SNX31: variants seen among roughly 807,000 people sequenced by gnomAD.
SNX31 encodes the protein sorting nexin 31.
Under a neutral mutation model 65.4 loss-of-function variants are expected in SNX31, and 58 were observed. The observed-to-expected ratio is 0.89, with a 90% CI of 0.72 to 1.10. The LOEUF (loss-of-function observed/expected upper bound fraction) is 1.10. Ranked by LOEUF, SNX31 falls within the 50% of genes least tolerant of loss-of-function variation. SNX31 has a pLI of 0.00. For synonymous variants in SNX31, 181 were observed against 190.1 expected (o/e 0.95, Z 0.39); for missense variants, 523 against 529.7 (o/e 0.99, Z 0.12).
At chr8:100,661,357 C>A (rs1809784720) in intron 1 of SNX31, among the ~76,000 whole-genome samples, 5 of 151,732 alleles carry the variant, frequency 3.3e-5, no homozygotes. Context: ...ACACTAAGGC[C>A]CAGAGAGGTT....
At chr8:100,649,944 T>C (rs11785728), upstream of SNX31, among the ~76,000 whole-genome samples, 60,904 of 152,136 alleles carry the variant, frequency 0.4, 12,956 homozygotes, top group African/African-American at 0.52. Context: ...CAGAGTTATG[T>C]TTGGTCAGTT....
At chr8:100,649,230 C>T in intron 2 of SNX31, 44 bp downstream of exon 2, 1 of 1,592,848 alleles carries the variant, frequency 6.3e-7, no homozygotes, top group Non-Finnish European at 8.6e-7. Flanking sequence ...GCTTTCTCCA[C>T]CTGTCTCAGT....
chr8:100,592,124 G>T (rs1268218575), intron 10 of SNX31, among the ~76,000 whole-genome samples: 3 of 152,138 alleles, frequency 2.0e-5, no homozygotes, highest in African/African-American at 7.2e-5. Context: ...AAATGACAGA[G>T]ATGATGGAAT....
Position 100,628,320 on chromosome 8 carries a change from G to A in SNX31, c.321+2007C>T, listed in dbSNP as rs533603524. On this transcript the variant is annotated intron_variant, in intron 4 of 13. Transcript: ENST00000311812. ...GTTTATTGCGGCACTATTCATAATA[G>A]CAAAGACTTGGAACCAACCCAAATG... Among the ~76,000 whole-genome samples, 135 of 152,256 alleles carry A rather than the reference G, an allele frequency of 8.9e-4. No individual in the cohort carries two copies. In the Middle Eastern group the frequency reaches 0.017, roughly 19 times the overall value.
rs756419093 is a variant in SNX31 at position 100,630,363 on chromosome 8, A to C, written c.285T>G (p.Ser95Arg). Residue 95 changes from serine to arginine, a missense_variant, in exon 4 of 14, where the codon AGT becomes AGG. Ser to Arg is a moderately radical substitution (Grantham distance 110). Coordinates refer to ENST00000311812, the MANE Select transcript of SNX31 (RefSeq NM_152628.4). The surrounding 1 kb of genome is among the most constrained non-coding windows in gnomAD (Gnocchi z 5.3). ...GTTTTAAAAACTCAACGAAGACATCACTTCTCAACACGTTTGGGTCCATGG... is the reference window on the plus strand; with the variant it reads ...GTTTTAAAAACTCAACGAAGACATCCCTTCTCAACACGTTTGGGTCCATGG... ...NVTMDPNVLR[S>R]DVFVEFLKLA... 3.7e-6 allele frequency: 6 copies of C among 1,613,446 alleles called. No homozygotes were observed. Among genetic ancestry groups the C allele is most frequent in the East Asian group, 4.5e-5 (2 of 44,886 alleles).
Position 100,614,582 on chromosome 8 carries a change from G to A in SNX31, c.433-1497C>T, listed in dbSNP as rs898329682. 3.3e-5 allele frequency among the ~76,000 whole-genome samples: 5 copies of A among 152,042 alleles called. No individual in the cohort carries two copies. Among genetic ancestry groups the A allele is most frequent in the African/African-American group, 9.7e-5 (4 of 41,414 alleles). On this transcript the variant is annotated intron_variant, in intron 5 of 13. Coordinates refer to ENST00000311812, the MANE Select transcript of SNX31 (RefSeq NM_152628.4). The surrounding 1 kb of genome is among the most constrained non-coding windows in gnomAD (Gnocchi z 5.1). ...TTTTAGCTTGCTGCTGGCCCTTAAA[G>A]AGGCCATTGAGGCCCGGCACGGTGG...
At chr8:100,584,056 G>A in intron 12 of SNX31, 55 bp downstream of exon 12, 1 of 1,534,800 alleles carries the variant, frequency 6.5e-7, no homozygotes, top group Admixed American at 1.8e-5. Context: ...GTCTCCAACT[G>A]TTGGCTGATA....
At position 100,593,989 on chromosome 8, in the gene SNX31, C is replaced by A. The variant is rs184523820; in HGVS notation, c.978+2650G>T. ...TGAAACATTTTTGATCTGCAAAAGA[C>A]CTTGTTTAAGAGGATGAAAAACTAT... On this transcript the variant is annotated intron_variant, in intron 10 of 13. Coordinates refer to ENST00000311812, the MANE Select transcript of SNX31 (RefSeq NM_152628.4). Among the ~76,000 whole-genome samples the A allele has an allele frequency of 1.1e-3, 171 of 152,146 alleles. 2 individuals are homozygous for A. In the Middle Eastern group the frequency reaches 0.034, roughly 30 times the overall value.
At chr8:100,651,254 A>C (rs951851701), upstream of SNX31, among the ~76,000 whole-genome samples, 7 of 152,234 alleles carry the variant, frequency 4.6e-5, no homozygotes, top group Non-Finnish European at 1.0e-4. Flanking sequence ...CCCTGCCCAT[A>C]GGCCATCTCT....
intron 2 of SNX31, 29 bp from the exon 3 acceptor site, chr8:100,636,040 C>T (rs762306761): frequency 1.3e-5 from 21 of 1,558,970 alleles, no homozygotes; most frequent in Non-Finnish European, 1.9e-5. Flanking sequence ...ACAGTTAAGG[C>T]AGGTGAGCCG....
In SNX31 at chr8:100,660,718, G is replaced by T. The variant is rs1327859821; in HGVS notation, c.-58+2424C>A. Among the ~76,000 whole-genome samples the T allele has an allele frequency of 1.3e-5, 2 of 152,182 alleles. No homozygotes were observed. The highest frequency in any genetic ancestry group is 4.8e-5 in the African/African-American group (2 of 41,430). The stretch of plus-strand genomic sequence containing the variant: ...GGGCCTGTCAAACTCCAGTGTACTT[G>T]CTCTGAATCCCTCCTCTCCACAGAC... On this transcript the variant is annotated intron_variant, in intron 1 of 5. Coordinates refer to the SNX31 transcript ENST00000520352. This position sits in a 1 kb window ranked among gnomAD's most constrained non-coding sequence, Gnocchi z 4.1.
intron 3 of SNX31, among the ~76,000 whole-genome samples, chr8:100,633,181 A>C (rs972860605): frequency 6.6e-5 from 10 of 151,804 alleles, no homozygotes; most frequent in Non-Finnish European, 1.2e-4. Context: ...CTCCTGCCTT[A>C]ACCTCCCAAA....
intron 11 of SNX31, among the ~76,000 whole-genome samples, chr8:100,587,929 T>A (rs1814200241): frequency 6.6e-6 from 1 of 152,108 alleles, no homozygotes; most frequent in African/African-American, 2.4e-5. Context: ...TAGAGTGTAG[T>A]TACACAAACC....
At chr8:100,637,143 T>C (rs1039096789) in intron 2 of SNX31, among the ~76,000 whole-genome samples, 3 of 152,214 alleles carry the variant, frequency 2.0e-5, no homozygotes, top group Non-Finnish European at 4.4e-5. Context: ...ATATGACCCA[T>C]GACCATGGCA....
rs1296683887 is a variant in SNX31, at chr8:100,608,495, T to C, written c.680A>G (p.Gln227Arg). 1 of 1,613,912 alleles carries C rather than the reference T, an allele frequency of 6.2e-7. No homozygotes were observed. The highest frequency in any genetic ancestry group is 8.5e-7 in the Non-Finnish European group (1 of 1,179,928). Residue 227 changes from glutamine to arginine, a missense_variant and splice_region_variant, in exon 8 of 14, where the codon CAG (glutamine) becomes CGG (arginine). Coordinates refer to ENST00000311812, the MANE Select transcript of SNX31 (RefSeq NM_152628.4). ...CRVAVDLLYMQAIQDIEKGWA... is the reference protein window; with the variant it reads ...CRVAVDLLYMRAIQDIEKGWA... The stretch of plus-strand genomic sequence containing the variant: ...GTCTGAGCTCTTGGTGACCCTCACC[T>C]GCATGTAGAGCAAATCTACCGCCAC...
At position 100,588,746 on chromosome 8, in the gene SNX31, G is replaced by A; in HGVS notation, c.1092+120C>T. Reference sequence around the variant, plus strand: ...AAAGGTATTACGGTCCCGAACGAGAGTGCATAGAACACTTTAGGGTCCTGC... The same window carrying A: ...AAAGGTATTACGGTCCCGAACGAGAATGCATAGAACACTTTAGGGTCCTGC... On this transcript the variant is annotated intron_variant, in intron 11 of 13. Coordinates refer to ENST00000311812, the MANE Select transcript of SNX31 (RefSeq NM_152628.4). The surrounding 1 kb of genome is among the most constrained non-coding windows in gnomAD (Gnocchi z 4.8). 1 of 597,788 alleles carries A rather than the reference G, an allele frequency of 1.7e-6. No individual in the cohort carries two copies. 37.0% of individuals were successfully genotyped at this position (597,788 alleles called of 1,614,324 possible).
In SNX31 at chr8:100,577,195, G is replaced by T. The variant is rs577408735; in HGVS notation, c.1171-120C>A. 43 of 793,288 alleles carry T rather than the reference G, an allele frequency of 5.4e-5. No individual in the cohort carries two copies. The East Asian group carries it at 1.1e-3, about 20-fold the overall frequency. The allele number at this position is 793,288 out of a possible 1,614,324, so 49.1% of individuals were successfully genotyped here. On this transcript the variant is annotated intron_variant, in intron 12 of 13. Transcript: ENST00000311812. The stretch of plus-strand genomic sequence containing the variant: ...CCTCTTAATCGTCCCAAAGGCTGCC[G>T]GTCAGCAGGTACACCTGCTTGTCAT...
At chr8:100,640,651 T>C (rs1216931946) in intron 2 of SNX31, among the ~76,000 whole-genome samples, 1 of 152,208 alleles carries the variant, frequency 6.6e-6, no homozygotes, top group Non-Finnish European at 1.5e-5. Context: ...TGATACGATG[T>C]GATTAGTGCG....
In SNX31 at chr8:100,578,453, AG is replaced by A. The variant is rs1259610640; in HGVS notation, c.1171-1379del. Among the ~76,000 whole-genome samples the A allele has an allele frequency of 2.0e-5, 3 of 152,214 alleles. No homozygotes were observed. Among genetic ancestry groups the A allele is most frequent in the Admixed American group, 2.0e-4 (3 of 15,284 alleles). On this transcript the variant is annotated intron_variant, in intron 12 of 13. Coordinates refer to ENST00000311812, the MANE Select transcript of SNX31 (RefSeq NM_152628.4). This position sits in a 1 kb window ranked among gnomAD's most constrained non-coding sequence, Gnocchi z 4.7. Reference sequence around the variant, plus strand: ...GTACACACAGGCATTCATAAATGACAGAATAAACAAGTGACTTAATTGTTTA... The same window carrying A: ...GTACACACAGGCATTCATAAATGACAAATAAACAAGTGACTTAATTGTTTA...
Sources: gnomAD v4.1 joint callset for allele counts (sites outside exome capture counted in the v4.1 genomes callset) on GRCh38, gnomAD v4.1.1 for gene constraint, Gnocchi (gnomAD v3.1) non-coding constraint, MANE v1.5 for transcripts, NCBI Gene and HGNC (gene_info 2026-07-23, HGNC 2026-07-21) for gene names.